DTNBP1: variants seen among roughly 807,000 people sequenced by gnomAD.
DTNBP1 encodes the protein dysbindin.
DTNBP1 carries 35 observed loss-of-function variants against 42.8 expected under a neutral mutation model. The observed-to-expected ratio is 0.82, with a 90% CI of 0.63 to 1.09. The LOEUF (loss-of-function observed/expected upper bound fraction) is 1.09, where lower values mean the gene tolerates loss of function less well. DTNBP1 is among the 50% of genes least tolerant of loss of function. The probability of loss-of-function intolerance (pLI) is 0.00; values close to 1 mark genes in which losing one functional copy is unlikely to be tolerated. For synonymous variants in DTNBP1, 171 were observed against 162.2 expected, an observed-to-expected ratio of 1.05 and a Z score of -0.41; for missense variants, 457 against 424.2, an observed-to-expected ratio of 1.08 and a Z score of -0.68.
intron 4 of DTNBP1, among the ~76,000 whole-genome samples, chr6:15,628,096 A>C (rs1759460060): frequency 6.6e-6 from 1 of 152,202 alleles, no homozygotes. Flanking sequence ...GAAATTCTAG[A>C]ATAGCCTAAG....
intron 1 of DTNBP1, chr6:15,660,276 C>T: frequency 9.2e-7 from 1 of 1,091,602 alleles, no homozygotes; most frequent in Non-Finnish European, 1.2e-6. Flanking sequence ...TGTTTAGCGT[C>T]ATCTTTTCTC....
intron 3 of DTNBP1, among the ~76,000 whole-genome samples, chr6:15,644,867 T>C (rs944086586): frequency 1.3e-5 from 2 of 151,756 alleles, no homozygotes; most frequent in African/African-American, 4.8e-5. Flanking sequence ...ACCACACTTT[T>C]AAGAACTAGA....
chr6:15,637,148 C>T lies in DTNBP1; in HGVS notation c.222+596G>A, dbSNP rs554540495. ...TATTTAAAGTCAGAATTACAGAAAT[C>T]ATTTCAGAAAAAAATAAGGTTTGAT... On this transcript the variant is annotated intron_variant, in intron 4 of 9. Transcript: ENST00000344537. 2.6e-5 allele frequency among the ~76,000 whole-genome samples: 4 copies of T among 152,152 alleles called. No individual in the cohort carries two copies. The East Asian group carries it at 7.7e-4, about 29-fold the overall frequency.
chr6:15,660,253 C>T (rs1761527953), intron 1 of DTNBP1: 2 of 839,216 alleles, frequency 2.4e-6, no homozygotes, highest in Admixed American at 2.4e-5. Context: ...ATATAATAAA[C>T]ACATGTGTGC....
At chr6:15,544,514 T>C (rs1773762580) in intron 7 of DTNBP1, among the ~76,000 whole-genome samples, 1 of 152,258 alleles carries the variant, frequency 6.6e-6, no homozygotes, top group Admixed American at 6.5e-5. Flanking sequence ...TATTCCATTT[T>C]ACATCCCCAT....
intron 7 of DTNBP1, among the ~76,000 whole-genome samples, chr6:15,538,461 G>C (rs964478062): frequency 1.3e-5 from 2 of 152,186 alleles, no homozygotes. Context: ...AAACAACGCA[G>C]CTCTGCGACC....
intron 7 of DTNBP1, among the ~76,000 whole-genome samples, chr6:15,580,336 GA>G (rs1775773791): frequency 6.6e-6 from 1 of 152,148 alleles, no homozygotes; most frequent in Non-Finnish European, 1.5e-5. Flanking sequence ...CATTGCTAAT[GA>G]AAGTATAAAC....
At chr6:15,661,868 G>C (rs1240561429) in intron 1 of DTNBP1, among the ~76,000 whole-genome samples, 1 of 152,198 alleles carries the variant, frequency 6.6e-6, no homozygotes, top group Non-Finnish European at 1.5e-5. Context: ...ATTAATCCTT[G>C]TAATAACCTT....
chr6:15,540,583 G>T (rs999682341), intron 7 of DTNBP1, among the ~76,000 whole-genome samples: 3 of 152,200 alleles, frequency 2.0e-5, no homozygotes, highest in Non-Finnish European at 4.4e-5. Context: ...ACATCAGAAT[G>T]AAATCCAATC....
At chr6:15,615,516 GT>G in intron 5 of DTNBP1, 117 bp from the exon 6 acceptor site, 4 of 1,377,430 alleles carry the variant, frequency 2.9e-6, no homozygotes, top group Middle Eastern at 2.1e-4. Context: ...CATTTTTAAT[GT>G]TTTTTATTAA....
intron 7 of DTNBP1, among the ~76,000 whole-genome samples, chr6:15,581,736 C>CCA (rs767180198): frequency 6.6e-6 from 1 of 152,054 alleles, no homozygotes; most frequent in East Asian, 1.9e-4. Context: ...CCTTGGCCCC[C>CCA]CAAAAGTGTT....
chr6:15,554,670 T>C (rs898682271), intron 7 of DTNBP1, among the ~76,000 whole-genome samples: 1 of 152,090 alleles, frequency 6.6e-6, no homozygotes, highest in African/African-American at 2.4e-5. Flanking sequence ...CAATAAACTG[T>C]AGGAGGAGTC....
At chr6:15,555,751 C>A (rs766775677) in intron 7 of DTNBP1, among the ~76,000 whole-genome samples, 1 of 152,154 alleles carries the variant, frequency 6.6e-6, no homozygotes, top group Non-Finnish European at 1.5e-5. Context: ...AGCATATGAC[C>A]AAGAAATAAC....
intron 7 of DTNBP1, among the ~76,000 whole-genome samples, chr6:15,576,770 A>T (rs940610646): frequency 1.0e-5 from 1 of 98,692 alleles, no homozygotes; most frequent in Non-Finnish European, 1.9e-5. Flanking sequence ...CTCTGTCTCT[A>T]AAAAAAAAAA....
At chr6:15,557,246 A>ATT (rs34529397) in intron 7 of DTNBP1, among the ~76,000 whole-genome samples, 318 of 135,068 alleles carry the variant, frequency 2.4e-3, no homozygotes, top group African/African-American at 6.2e-3. Context: ...GGGGGTGGGA[A>ATT]TTTTTTTTTT....
chr6:15,560,287 C>G (rs1221375539), intron 7 of DTNBP1, among the ~76,000 whole-genome samples: 1 of 151,058 alleles, frequency 6.6e-6, no homozygotes, highest in South Asian at 2.1e-4. Context: ...GCCTGGGCAA[C>G]GGAGCGAGAC....
chr6:15,596,170 CA>C (rs1776508195), intron 6 of DTNBP1, among the ~76,000 whole-genome samples: 1 of 152,134 alleles, frequency 6.6e-6, no homozygotes, highest in Non-Finnish European at 1.5e-5. Flanking sequence ...GCATCTGACT[CA>C]ATGGGGTAAG....
intron 7 of DTNBP1, among the ~76,000 whole-genome samples, chr6:15,543,535 G>A (rs1773701222): frequency 6.6e-6 from 1 of 152,186 alleles, no homozygotes; most frequent in Admixed American, 6.5e-5. Context: ...CCTCTTCAAA[G>A]TTTAGCCTGT....
intron 3 of DTNBP1, among the ~76,000 whole-genome samples, chr6:15,644,780 A>T (rs974264170): frequency 2.0e-5 from 3 of 152,148 alleles, no homozygotes; most frequent in African/African-American, 7.2e-5. Flanking sequence ...ATACAGAAAA[A>T]GCAGTATTAA....
Sources: allele counts gnomAD v4.1 joint callset (sites outside exome capture counted in the v4.1 genomes callset), GRCh38; gene constraint gnomAD v4.1.1; transcripts MANE v1.5; gene names NCBI Gene and HGNC (gene_info 2026-07-23, HGNC 2026-07-21).